DLGAP2: variants seen among roughly 807,000 people sequenced by gnomAD.
The protein encoded by DLGAP2 is disks large-associated protein 2.
In DLGAP2, 26 loss-of-function variants were observed where a neutral mutation model predicts 100.3. The observed-to-expected ratio is 0.26, with a 90% CI of 0.19 to 0.36. DLGAP2 has a LOEUF of 0.36. DLGAP2 is among the 10% of genes least tolerant of loss of function. DLGAP2 has a pLI of 1.00. For missense variants in DLGAP2, 1,858 were observed against 1,453.2 expected, an observed-to-expected ratio of 1.28 and a Z score of -4.53; for synonymous variants, 886 against 630.1, an observed-to-expected ratio of 1.41 and a Z score of -6.08.
intron 2 of DLGAP2, among the ~76,000 whole-genome samples, chr8:1,098,563 T>C (rs1217532789): frequency 1.3e-5 from 2 of 150,936 alleles, no homozygotes; most frequent in African/African-American, 4.8e-5. Flanking sequence ...CACCCTGCGA[T>C]GGCCACCCAC....
At chr8:762,112 C>G (rs1821103407) in intron 1 of DLGAP2, among the ~76,000 whole-genome samples, 1 of 152,172 alleles carries the variant, frequency 6.6e-6, no homozygotes, top group Non-Finnish European at 1.5e-5. Context: ...CTGTGTGTCT[C>G]TTTGTGAGCA....
At chr8:1,290,955 C>T (rs757780890) in intron 3 of DLGAP2, among the ~76,000 whole-genome samples, 1 of 152,134 alleles carries the variant, frequency 6.6e-6, no homozygotes, top group Non-Finnish European at 1.5e-5. Context: ...GTACAACCAC[C>T]TCCCCCATCC....
intron 3 of DLGAP2, among the ~76,000 whole-genome samples, chr8:1,356,868 T>C (rs373268610): frequency 3.9e-5 from 6 of 152,230 alleles, no homozygotes; most frequent in African/African-American, 1.4e-4. Flanking sequence ...GCCCGCACAA[T>C]GAGGAAACAC....
intron 5 of DLGAP2, among the ~76,000 whole-genome samples, chr8:1,564,871 G>A (rs111350854): frequency 2.0e-5 from 3 of 149,056 alleles, no homozygotes; most frequent in African/African-American, 7.5e-5. Flanking sequence ...ACACAGATAT[G>A]TAACATTCAT....
At chr8:1,572,662 G>A (rs1364248278) in intron 6 of DLGAP2, among the ~76,000 whole-genome samples, 1 of 137,408 alleles carries the variant, frequency 7.3e-6, no homozygotes, top group Non-Finnish European at 1.6e-5. Context: ...AACTGGAGGG[G>A]CATCTTCTGG....
At chr8:933,339 G>T (rs933587131) in intron 2 of DLGAP2, among the ~76,000 whole-genome samples, 4 of 151,720 alleles carry the variant, frequency 2.6e-5, no homozygotes, top group African/African-American at 9.7e-5. Context: ...TGGACACCTG[G>T]CTGTGGGCAT....
chr8:1,199,257 T>C (rs11991219), intron 2 of DLGAP2, among the ~76,000 whole-genome samples: 58,573 of 151,996 alleles, frequency 0.39, 11,396 homozygotes, highest in Middle Eastern at 0.57. Context: ...TGAATAGATA[T>C]CGTTGAAGAC....
At chr8:1,256,423 G>A (rs1260089559) in intron 2 of DLGAP2, among the ~76,000 whole-genome samples, 2,207 of 137,016 alleles carry the variant, frequency 0.016, 184 homozygotes, top group African/African-American at 0.06. Context: ...TCCTGCTTGG[G>A]CGCTGTGCGT....
chr8:1,245,397 G>A (rs1311080665), intron 2 of DLGAP2, among the ~76,000 whole-genome samples: 1 of 152,192 alleles, frequency 6.6e-6, no homozygotes, highest in East Asian at 1.9e-4. Flanking sequence ...TCCATGCAAT[G>A]GAATCTTCTC....
At chr8:1,173,363 G>C (rs185735414) in intron 2 of DLGAP2, among the ~76,000 whole-genome samples, 14 of 152,170 alleles carry the variant, frequency 9.2e-5, no homozygotes, top group Non-Finnish European at 1.5e-4. Context: ...CAGTCTGCCC[G>C]TTCTCAGATC....
chr8:1,636,206 ATTGATATTG>A (rs1271965000), intron 8 of DLGAP2, among the ~76,000 whole-genome samples: 1 of 152,196 alleles, frequency 6.6e-6, no homozygotes, highest in African/African-American at 2.4e-5. Context: ...AGGGAATATT[ATTGATATTG>A]TGAAGGAAAA....
At chr8:1,325,103 C>T (rs1292053158) in intron 3 of DLGAP2, among the ~76,000 whole-genome samples, 1 of 152,192 alleles carries the variant, frequency 6.6e-6, no homozygotes, top group East Asian at 1.9e-4. Flanking sequence ...CCAACACTCA[C>T]CTTCTTGTCT....
At chr8:1,670,855 T>C (rs1470338706) in intron 10 of DLGAP2, among the ~76,000 whole-genome samples, 3 of 150,568 alleles carry the variant, frequency 2.0e-5, no homozygotes, top group African/African-American at 7.4e-5. Flanking sequence ...ACTGCAGGAG[T>C]AAAGGGGAGG....
rs183286687 is a variant in DLGAP2 at position 1,225,997 on chromosome 8, T to C, written c.74-32854T>C. ...GAAAGATATTTTTACAAGGTGGTGATTTCATTTCTCATAGGTATATATGCA... is the reference window on the plus strand; with the variant it reads ...GAAAGATATTTTTACAAGGTGGTGACTTCATTTCTCATAGGTATATATGCA... On this transcript the variant is annotated intron_variant, in intron 2 of 14. Transcript: ENST00000637795. Among the ~76,000 whole-genome samples, 100 of 145,328 alleles carry C rather than the reference T, an allele frequency of 6.9e-4. 1 individual carries two copies. Among genetic ancestry groups the C allele is most frequent in the Admixed American group, 4.4e-3 (66 of 15,004 alleles).
chr8:1,647,488 C>CAAAAAAAAAAAAAAAAAA (rs567451595), intron 8 of DLGAP2, among the ~76,000 whole-genome samples: 2 of 44,968 alleles, frequency 4.4e-5, no homozygotes, highest in Non-Finnish European at 5.8e-5. Flanking sequence ...GACTCTGTCT[C>CAAAAAAAAAAAAAAAAAA]AAAAAAAAAA....
At position 789,063 on chromosome 8, in the gene DLGAP2, G is replaced by A. The variant is rs1251267646; in HGVS notation, c.18+51238G>A. Reference sequence around the variant, plus strand: ...CATGCTTTTCTTCCTGTTGAGTTTCGAGAGTTCTTTATGTACTTTGGACAC... The same window carrying A: ...CATGCTTTTCTTCCTGTTGAGTTTCAAGAGTTCTTTATGTACTTTGGACAC... On this transcript the variant is annotated intron_variant, in intron 1 of 14. Coordinates refer to ENST00000637795, the MANE Select transcript of DLGAP2 (RefSeq NM_001346810.2). 3.9e-5 allele frequency among the ~76,000 whole-genome samples: 6 copies of A among 152,274 alleles called. No homozygotes were observed. In the South Asian group the frequency reaches 6.2e-4, roughly 16 times the overall value.
intron 2 of DLGAP2, among the ~76,000 whole-genome samples, chr8:1,043,201 ATGCGGGTGGTGGG>A (rs1802415300): frequency 3.5e-4 from 11 of 31,552 alleles, no homozygotes; most frequent in East Asian, 9.8e-4. Flanking sequence ...TTGGTGGTGG[ATGCGGGTGGTGGG>A]TGTGGGTGGT....
intron 2 of DLGAP2, among the ~76,000 whole-genome samples, chr8:1,100,802 C>T (rs904257248): frequency 6.6e-6 from 1 of 152,178 alleles, no homozygotes; most frequent in Admixed American, 6.5e-5. Flanking sequence ...ACCGTGTGTT[C>T]TGTAGAAATA....
intron 2 of DLGAP2, among the ~76,000 whole-genome samples, chr8:967,593 A>C (rs1350536951): frequency 2.7e-5 from 4 of 150,918 alleles, no homozygotes; most frequent in Non-Finnish European, 4.4e-5. Context: ...ATGCATGGCT[A>C]TTTCAACATT....
Sources: allele counts gnomAD v4.1 joint callset (sites outside exome capture counted in the v4.1 genomes callset), GRCh38; gene constraint gnomAD v4.1.1; transcripts MANE v1.5; gene names NCBI Gene and HGNC (gene_info 2026-07-23, HGNC 2026-07-21).